The following DMD variants were observed in gnomAD, a reference collection of about 807,000 sequenced individuals.
DMD encodes mutant dystrophin.
Under a neutral mutation model 330.1 loss-of-function variants are expected in DMD, and 63 were observed. That is an observed-to-expected ratio of 0.19 (90% CI 0.16 to 0.24). The LOEUF is 0.24. Ranked by LOEUF, DMD falls within the 10% of genes least tolerant of loss-of-function variation. DMD has a pLI of 1.00. For missense variants in DMD, 3,344 were observed against 2,684.1 expected (o/e 1.25, Z -5.43); for synonymous variants, 1,223 against 959.8 (o/e 1.27, Z -5.07).
At chrX:33,027,365 T>C (rs1448196211) in intron 1 of DMD, among the ~76,000 whole-genome samples, 1 of 112,088 alleles carries the variant, frequency 8.9e-6, no homozygotes, top group African/African-American at 3.2e-5. Flanking sequence ...AGGAGACAGA[T>C]TCTCCCCTGG....
At chrX:33,086,339 A>T (rs1298520320) in intron 1 of DMD, among the ~76,000 whole-genome samples, 1 of 112,202 alleles carries the variant, frequency 8.9e-6, no homozygotes, top group Non-Finnish European at 1.9e-5. Flanking sequence ...AGAATTTTTT[A>T]AAGTTAACCT....
At chrX:32,338,841 T>A (rs1417035715) in intron 41 of DMD, among the ~76,000 whole-genome samples, 1 of 111,555 alleles carries the variant, frequency 9.0e-6, no homozygotes, top group East Asian at 2.8e-4. Flanking sequence ...TTGGCAGTCA[T>A]CAGATTTGTG....
intron 1 of DMD, among the ~76,000 whole-genome samples, chrX:33,211,061 A>G (rs1019200396): frequency 7.1e-5 from 8 of 111,915 alleles, no homozygotes; most frequent in African/African-American, 2.6e-4. Context: ...GTTTAGTTCT[A>G]TCGCAAAGAA....
At chrX:32,844,257 T>C (rs1403172887) in intron 4 of DMD, among the ~76,000 whole-genome samples, 2 of 109,102 alleles carry the variant, frequency 1.8e-5, no homozygotes, top group African/African-American at 6.7e-5. Flanking sequence ...AATACAAAAA[T>C]TAGCTGGCCA....
intron 46 of DMD, among the ~76,000 whole-genome samples, chrX:31,930,229 T>C (rs1346699432): frequency 9.0e-6 from 1 of 110,853 alleles, no homozygotes; most frequent in Non-Finnish European, 1.9e-5. Context: ...TCACATTTAT[T>C]ATCTTAGTTT....
At chrX:31,669,420 T>A (rs1229616076) in intron 53 of DMD, among the ~76,000 whole-genome samples, 1 of 112,088 alleles carries the variant, frequency 8.9e-6, no homozygotes, top group Non-Finnish European at 1.9e-5. Context: ...TTTTGAGAAA[T>A]GTTTAAGTGT....
intron 47 of DMD, among the ~76,000 whole-genome samples, chrX:31,926,414 C>T (rs191105430): frequency 2.9e-4 from 32 of 111,716 alleles, no homozygotes; most frequent in African/African-American, 9.4e-4. Context: ...CGGTGGCTCA[C>T]ACCTGTAATC....
At chrX:32,596,749 G>A (rs1003627304) in intron 12 of DMD, among the ~76,000 whole-genome samples, 2 of 109,854 alleles carry the variant, frequency 1.8e-5, no homozygotes, top group Admixed American at 9.8e-5. Flanking sequence ...ATTTCACCAC[G>A]TTGGCCAGGC....
chrX:31,639,820 G>A (rs1010409035), intron 54 of DMD, among the ~76,000 whole-genome samples: 2 of 111,408 alleles, frequency 1.8e-5, no homozygotes, highest in African/African-American at 3.3e-5. Context: ...GCTTATAATC[G>A]TAAAGAAGGT....
intron 1 of DMD, among the ~76,000 whole-genome samples, chrX:33,055,026 G>A (rs772356937): frequency 5.4e-5 from 6 of 111,890 alleles, no homozygotes; most frequent in African/African-American, 9.7e-5. Context: ...TCATGGTTAA[G>A]AGTTGTTATT....
At chrX:31,298,654 C>A (rs2054388889) in intron 62 of DMD, among the ~76,000 whole-genome samples, 1 of 112,129 alleles carries the variant, frequency 8.9e-6, no homozygotes, top group Non-Finnish European at 1.9e-5. Context: ...ACACATAATA[C>A]TTTTAGATTG....
chrX:32,512,354 C>T (rs143190842), intron 18 of DMD, among the ~76,000 whole-genome samples: 1,751 of 112,023 alleles, frequency 0.016, 42 homozygotes, highest in African/African-American at 0.054. Flanking sequence ...GAAGTTTTAC[C>T]CTTTGACTGA....
intron 1 of DMD, among the ~76,000 whole-genome samples, chrX:33,172,196 A>T (rs1186127733): frequency 9.0e-6 from 1 of 110,989 alleles, no homozygotes; most frequent in Non-Finnish European, 1.9e-5. Context: ...TTTTATCAAC[A>T]TATATTACAG....
intron 18 of DMD, among the ~76,000 whole-genome samples, chrX:32,513,395 G>A (rs1036045013): frequency 1.8e-5 from 2 of 112,581 alleles, no homozygotes; most frequent in Non-Finnish European, 3.7e-5. Flanking sequence ...TAGTAGCAGG[G>A]AAGACCAGCT....
chrX:31,608,266 A>C (rs1454652889), intron 55 of DMD, among the ~76,000 whole-genome samples: 1 of 112,022 alleles, frequency 8.9e-6, no homozygotes, highest in Non-Finnish European at 1.9e-5. Flanking sequence ...TTTTGATATA[A>C]GGAGTGGGTA....
intron 42 of DMD, among the ~76,000 whole-genome samples, chrX:32,307,232 C>A (rs1342981282): frequency 9.0e-6 from 1 of 111,234 alleles, no homozygotes; most frequent in Non-Finnish European, 1.9e-5. Context: ...GAAATGTATC[C>A]TATGAGGCAG....
intron 1 of DMD, among the ~76,000 whole-genome samples, chrX:33,247,878 A>T (rs927697191): frequency 4.7e-4 from 53 of 111,725 alleles, no homozygotes; most frequent in Non-Finnish European, 5.6e-5. Flanking sequence ...AAAATAATTT[A>T]CATAACTATG....
chrX:32,452,675 C>A (rs1308846937), intron 26 of DMD, among the ~76,000 whole-genome samples: 1 of 110,723 alleles, frequency 9.0e-6, no homozygotes, highest in Non-Finnish European at 1.9e-5. Context: ...TTTCAAAGTA[C>A]CTTCTAGCTC....
chrX:31,411,790 C>A (rs1159528353), intron 60 of DMD, among the ~76,000 whole-genome samples: 1 of 109,756 alleles, frequency 9.1e-6, no homozygotes, highest in East Asian at 3.0e-4. Context: ...CCTGCCACCA[C>A]ACCCAGCTAA....
Sources: gnomAD v4.1 joint callset for allele counts (sites outside exome capture counted in the v4.1 genomes callset) on GRCh38, gnomAD v4.1.1 for gene constraint, MANE v1.5 for transcripts, NCBI Gene and HGNC (gene_info 2026-07-23, HGNC 2026-07-21) for gene names.